The following TUSC3 variants were observed in gnomAD, a reference collection of about 807,000 sequenced individuals.
The protein encoded by TUSC3 is dolichyl-diphosphooligosaccharide--protein glycosyltransferase subunit TUSC3.
A neutral mutation model predicts 44.8 loss-of-function variants in TUSC3; 45 were observed. The observed-to-expected ratio is 1.00, with a 90% CI of 0.79 to 1.29. The LOEUF is 1.29. Among genes scored for constraint, TUSC3 ranks in the 50% most tolerant of loss-of-function variants. TUSC3 has a pLI of 0.00. For missense variants in TUSC3, 519 were observed against 437.9 expected, an observed-to-expected ratio of 1.19 and a Z score of -1.65; for synonymous variants, 212 against 152.9, an observed-to-expected ratio of 1.39 and a Z score of -2.85.
chr8:15,600,079 G>A (rs1163152662), intron 1 of TUSC3, among the ~76,000 whole-genome samples: 3 of 151,664 alleles, frequency 2.0e-5, no homozygotes, highest in African/African-American at 7.3e-5. Flanking sequence ...CATTAGGCGG[G>A]ACTTCTAGTA....
chr8:15,556,703 G>T (rs1459210210), intron 1 of TUSC3, among the ~76,000 whole-genome samples: 1 of 145,686 alleles, frequency 6.9e-6, no homozygotes, highest in African/African-American at 2.5e-5. Flanking sequence ...ACTCTAACTG[G>T]TGTGAGATGG....
intron 1 of TUSC3, among the ~76,000 whole-genome samples, chr8:15,582,064 C>T (rs994877437): frequency 5.3e-5 from 8 of 152,026 alleles, no homozygotes; most frequent in Middle Eastern, 3.2e-3. Context: ...TGGCAGTGAC[C>T]CGATTTTCCA....
chr8:15,831,003 C>T, the TUSC3 span, among the ~76,000 whole-genome samples: 16,181 of 152,236 alleles, frequency 0.11, 955 homozygotes, highest in East Asian at 0.25. Flanking sequence ...GGATGGATTC[C>T]GCTGCTATCG....
Position 15,650,733 on chromosome 8 carries a change from C to T in TUSC3, c.345C>T (p.Ser115=), listed in dbSNP as rs748494198. The change falls in exon 3 of 11, where the codon TCC becomes TCT. Residue 115 remains serine, a synonymous_variant. Transcript: ENST00000503731. ...AAGAATATCAAATACTGGCGAACTC[C>T]TGGCGCTATTCATCTGCTTTTTGTA... ...ANEEYQILAN[S]WRYSSAFCNK... is the part of the protein sequence containing the mutation. 2 of 1,614,120 alleles carry T rather than the reference C, an allele frequency of 1.2e-6. No individual in the cohort carries two copies. The highest frequency in any genetic ancestry group is 1.7e-6 in the Non-Finnish European group (2 of 1,180,032).
At chr8:15,519,890 T>C (rs1261506730) in intron 2 of TUSC3, among the ~76,000 whole-genome samples, 1 of 152,236 alleles carries the variant, frequency 6.6e-6, no homozygotes, top group African/African-American at 2.4e-5. Context: ...GGAATAATAG[T>C]CTTGCCATAT....
intron 7 of TUSC3, among the ~76,000 whole-genome samples, chr8:15,742,189 A>T (rs543846113): frequency 1.3e-4 from 20 of 152,308 alleles, no homozygotes; most frequent in Non-Finnish European, 2.6e-4. Context: ...TGTAGCATGG[A>T]TCTCTAAAAG....
intron 4 of TUSC3, 22 bp downstream of exon 4, chr8:15,659,669 T>A (rs1563158793): frequency 6.2e-7 from 1 of 1,610,686 alleles, no homozygotes; most frequent in Admixed American, 1.7e-5. Context: ...TTCCTCACAG[T>A]TTTAATAATA....
rs578188861 is a variant in TUSC3, at chr8:15,498,978, T to C, written n.189+15495T>C. On this transcript the variant is annotated intron_variant and non_coding_transcript_variant, in intron 2 of 5. Coordinates refer to the TUSC3 transcript ENST00000503191. ...CTTTTATTTTTTCTCATAGACCTTA[T>C]GGAACTAGTCCTGAGAGTAGGTAGT... Among the ~76,000 whole-genome samples the C allele has an allele frequency of 1.9e-4, 29 of 152,358 alleles. 1 individual carries two copies. The highest frequency in any genetic ancestry group is 5.8e-4 in the African/African-American group (24 of 41,590).
At chr8:15,657,072 C>T (rs1807207547) in intron 3 of TUSC3, among the ~76,000 whole-genome samples, 1 of 152,178 alleles carries the variant, frequency 6.6e-6, no homozygotes, top group South Asian at 2.1e-4. Flanking sequence ...CCCCAAAGAG[C>T]TCTGAAATGC....
At chr8:15,679,386 A>T (rs1808318204) in intron 6 of TUSC3, among the ~76,000 whole-genome samples, 1 of 151,780 alleles carries the variant, frequency 6.6e-6, no homozygotes. Flanking sequence ...ATGTTTATTG[A>T]CCACTTGCAT....
chr8:15,848,644 AG>A, the TUSC3 span, among the ~76,000 whole-genome samples: 9 of 152,210 alleles, frequency 5.9e-5, no homozygotes, highest in African/African-American at 2.2e-4. Context: ...TTATGGACTC[AG>A]ACAAAGTGGT....
At chr8:15,645,643 T>C (rs1232204820) in intron 2 of TUSC3, among the ~76,000 whole-genome samples, 1 of 152,134 alleles carries the variant, frequency 6.6e-6, no homozygotes, top group African/African-American at 2.4e-5. Flanking sequence ...TGAGTATAAA[T>C]TTCACTGATG....
intron 2 of TUSC3, among the ~76,000 whole-genome samples, chr8:15,502,135 G>T (rs1237739957): frequency 6.6e-6 from 1 of 152,110 alleles, no homozygotes; most frequent in African/African-American, 2.4e-5. Context: ...TTTAAATTGT[G>T]TTGACAGTGT....
chr8:15,490,353 A>G lies in TUSC3; in HGVS notation n.189+6870A>G, dbSNP rs898510484. 5.3e-5 allele frequency among the ~76,000 whole-genome samples: 8 copies of G among 152,286 alleles called. No individual in the cohort carries two copies. In the East Asian group the frequency reaches 7.7e-4, roughly 15 times the overall value. On this transcript the variant is annotated intron_variant and non_coding_transcript_variant, in intron 2 of 5. Coordinates refer to the TUSC3 transcript ENST00000503191. ...TGAGTCTAAAGAATTCATGACTTCTATCAGAGTTGCTCAAGACGGAGGAGG... is the reference window on the plus strand; with the variant it reads ...TGAGTCTAAAGAATTCATGACTTCTGTCAGAGTTGCTCAAGACGGAGGAGG...
the TUSC3 span, among the ~76,000 whole-genome samples, chr8:15,843,146 T>G: frequency 6.6e-6 from 1 of 152,318 alleles, no homozygotes; most frequent in Admixed American, 6.5e-5. Flanking sequence ...TTCCTTTTAT[T>G]TTAAGTACCT....
intron 1 of TUSC3, among the ~76,000 whole-genome samples, chr8:15,466,451 G>A (rs1034096641): frequency 1.3e-5 from 2 of 152,090 alleles, no homozygotes; most frequent in Non-Finnish European, 2.9e-5. Context: ...TCAAAGATGA[G>A]TGCCCAATGT....
At chr8:15,793,774 A>G in the TUSC3 span, among the ~76,000 whole-genome samples, 5 of 152,232 alleles carry the variant, frequency 3.3e-5, no homozygotes, top group Non-Finnish European at 5.9e-5. Context: ...TGGCACATAT[A>G]GGAGCACATA....
the TUSC3 span, among the ~76,000 whole-genome samples, chr8:15,835,643 T>C: frequency 3.3e-3 from 506 of 152,310 alleles, 3 homozygotes; most frequent in African/African-American, 0.011. Context: ...TTATAATTTA[T>C]GGAATTTTTT....
intron 6 of TUSC3, among the ~76,000 whole-genome samples, chr8:15,685,884 G>A (rs1447338432): frequency 5.4e-5 from 6 of 111,290 alleles, no homozygotes; most frequent in South Asian, 3.7e-4. Context: ...AAAATTAGTG[G>A]TATTTGTAAG....
Sources: allele counts gnomAD v4.1 joint callset (sites outside exome capture counted in the v4.1 genomes callset), GRCh38; gene constraint gnomAD v4.1.1; transcripts MANE v1.5; gene names NCBI Gene and HGNC (gene_info 2026-07-23, HGNC 2026-07-21).